The following LARGE1 variants were observed in gnomAD, a reference collection of about 807,000 sequenced individuals.
LARGE1 encodes the protein LARGE xylosyl- and glucuronyltransferase 1.
LARGE1 carries 43 observed loss-of-function variants against 87.6 expected under a neutral mutation model. The ratio of observed to expected loss-of-function variants is 0.49; its 90% confidence interval spans 0.38 to 0.63. The LOEUF (loss-of-function observed/expected upper bound fraction) is 0.63. Among genes scored for constraint, LARGE1 ranks in the 30% least tolerant of loss-of-function variants. LARGE1 has a pLI of 0.00. For missense variants in LARGE1, 802 were observed against 1,000.2 expected, an observed-to-expected ratio of 0.80 and a Z score of 2.67; for synonymous variants, 434 against 394.6, an observed-to-expected ratio of 1.10 and a Z score of -1.18.
chr22:33,808,390 G>A (rs1365622669), intron 1 of LARGE1, among the ~76,000 whole-genome samples: 1 of 152,194 alleles, frequency 6.6e-6, no homozygotes, highest in East Asian at 1.9e-4. Flanking sequence ...CTTATGGGGA[G>A]AAAAGAAAGA....
chr22:33,899,352 T>C (rs1243985596), intron 1 of LARGE1, among the ~76,000 whole-genome samples: 2 of 152,198 alleles, frequency 1.3e-5, no homozygotes, highest in African/African-American at 2.4e-5. Flanking sequence ...TCAAAGCCTG[T>C]TGAGCGGCCT....
At chr22:33,637,829 C>T (rs924718910) in intron 3 of LARGE1, among the ~76,000 whole-genome samples, 1 of 152,154 alleles carries the variant, frequency 6.6e-6, no homozygotes, top group Non-Finnish European at 1.5e-5. Context: ...TCCCAGATTC[C>T]TAATTTTCAG....
intron 10 of LARGE1, among the ~76,000 whole-genome samples, 186 bp downstream of exon 10, chr22:33,337,460 G>A (rs998124638): frequency 6.6e-6 from 1 of 152,086 alleles, no homozygotes; most frequent in Non-Finnish European, 1.5e-5. Flanking sequence ...CATCCACAAT[G>A]ATGAGCATGC....
At chr22:33,481,836 C>T (rs1259122268) in intron 6 of LARGE1, among the ~76,000 whole-genome samples, 1 of 152,184 alleles carries the variant, frequency 6.6e-6, no homozygotes, top group Non-Finnish European at 1.5e-5. Flanking sequence ...CACCAGTTCT[C>T]TTAGCAAAAG....
chr22:33,362,195 G>A (rs140140516), intron 9 of LARGE1, among the ~76,000 whole-genome samples: 14 of 148,896 alleles, frequency 9.4e-5, no homozygotes, highest in Non-Finnish European at 1.5e-4. Flanking sequence ...GTTATCAAGC[G>A]TAAGGACTAA....
At chr22:33,878,154 T>TTTTTTTTTTTTTTTTTTTTTTG in intron 1 of LARGE1, among the ~76,000 whole-genome samples, 1 of 136,032 alleles carries the variant, frequency 7.4e-6, no homozygotes, top group Non-Finnish European at 1.6e-5. Flanking sequence ...TTTTTTTTTT[T>TTTTTTTTTTTTTTTTTTTTTTG]AGAGACAGAG....
chr22:33,490,976 A>G lies in LARGE1; in HGVS notation c.788-58711T>C, dbSNP rs561595923. 3.5e-3 allele frequency among the ~76,000 whole-genome samples: 534 copies of G among 152,306 alleles called. 5 individuals carry two copies. The highest frequency in any genetic ancestry group is 0.024 in the South Asian group (114 of 4,822). The stretch of plus-strand genomic sequence containing the variant: ...TACATGTTCTCTGAGAGAAAGTGGC[A>G]AGAATTTCAGCAGCCCAGCCAGACA... On this transcript the variant is annotated intron_variant, in intron 6 of 14. Transcript: ENST00000397394.
intron 11 of LARGE1, among the ~76,000 whole-genome samples, chr22:33,256,797 C>T (rs1927303951): frequency 6.6e-6 from 1 of 152,230 alleles, no homozygotes; most frequent in South Asian, 2.1e-4. Flanking sequence ...ATTTTGCAGA[C>T]AAGACTCAAA....
At chr22:33,724,454 G>C (rs2083205023) in intron 2 of LARGE1, among the ~76,000 whole-genome samples, 1 of 152,102 alleles carries the variant, frequency 6.6e-6, no homozygotes, top group Admixed American at 6.5e-5. Flanking sequence ...GGAATCCCTG[G>C]CTCTCAGCCA....
intron 2 of LARGE1, among the ~76,000 whole-genome samples, chr22:33,734,833 T>TATG (rs1454154511): frequency 6.6e-6 from 1 of 151,990 alleles, no homozygotes; most frequent in East Asian, 1.9e-4. Context: ...TTCAGAGACA[T>TATG]AGGCAAAAGG....
chr22:33,160,292 T>C (rs1237699411), downstream of LARGE1, among the ~76,000 whole-genome samples: 1 of 152,218 alleles, frequency 6.6e-6, no homozygotes, highest in Non-Finnish European at 1.5e-5. Flanking sequence ...TGAGGACAGT[T>C]GGAAGGAGGA....
Position 33,519,235 on chromosome 22 carries a change from C to CGTGTGTGT in LARGE1, c.787+45605_787+45612dup, listed in dbSNP as rs3071590. On this transcript the variant is annotated intron_variant, in intron 6 of 14. Transcript: ENST00000397394. ...TCCCTGAGCTGCGTGCGTGCGCGCG[C>CGTGTGTGT]GTGTGTGTGTGTGTGTGTGTGTGGT... Among the ~76,000 whole-genome samples, 83 of 149,646 alleles carry CGTGTGTGT rather than the reference C, an allele frequency of 5.5e-4. 1 individual carries two copies. The highest frequency in any genetic ancestry group is 6.4e-4 in the South Asian group (3 of 4,664).
At chr22:33,303,295 G>A (rs1934409013) in intron 12 of LARGE1, among the ~76,000 whole-genome samples, 1 of 152,184 alleles carries the variant, frequency 6.6e-6, no homozygotes, top group Non-Finnish European at 1.5e-5. Flanking sequence ...TTATGCACTT[G>A]GCTCTGCAGC....
chr22:33,494,314 T>C (rs1035442410), intron 6 of LARGE1, among the ~76,000 whole-genome samples: 1 of 152,234 alleles, frequency 6.6e-6, no homozygotes, highest in Non-Finnish European at 1.5e-5. Context: ...ATGGCTTGTG[T>C]GTGCTGTTGT....
At chr22:33,107,578 C>A in the LARGE1 span, among the ~76,000 whole-genome samples, 1 of 150,696 alleles carries the variant, frequency 6.6e-6, no homozygotes, top group African/African-American at 2.4e-5. Context: ...TAAAAAGCTA[C>A]ATTTAGTCAG....
At chr22:33,669,737 T>C (rs1423914167) in intron 2 of LARGE1, among the ~76,000 whole-genome samples, 4 of 152,216 alleles carry the variant, frequency 2.6e-5, no homozygotes, top group Non-Finnish European at 4.4e-5. Context: ...CACATCTGTA[T>C]TTTCTGTAAT....
chr22:33,114,045 A>ATTTTT, the LARGE1 span, among the ~76,000 whole-genome samples: 1 of 135,752 alleles, frequency 7.4e-6, no homozygotes, highest in South Asian at 2.4e-4. Flanking sequence ...TAATTTTTCT[A>ATTTTT]TTTTTTTTTT....
chr22:33,371,884 TG>T (rs1395227460), intron 9 of LARGE1, among the ~76,000 whole-genome samples: 1 of 151,108 alleles, frequency 6.6e-6, no homozygotes, highest in Non-Finnish European at 1.5e-5. Context: ...CTCGGGAGGC[TG>T]GGGCAGGAGA....
chr22:33,105,963 G>T, the LARGE1 span: 3 of 152,268 alleles, frequency 2.0e-5, no homozygotes, highest in Non-Finnish European at 4.4e-5. Flanking sequence ...TCAAATGAAT[G>T]ATACCCTTAC....
Sources: gnomAD v4.1 joint callset for allele counts (sites outside exome capture counted in the v4.1 genomes callset) on GRCh38, gnomAD v4.1.1 for gene constraint, MANE v1.5 for transcripts, NCBI Gene and HGNC (gene_info 2026-07-23, HGNC 2026-07-21) for gene names.